LRRTM4: variants seen among roughly 807,000 people sequenced by gnomAD.
LRRTM4 encodes the protein leucine-rich repeat transmembrane neuronal protein 4.
LRRTM4 carries 25 observed loss-of-function variants against 47.6 expected under a neutral mutation model. The ratio of observed to expected loss-of-function variants is 0.53; its 90% CI spans 0.38 to 0.73. The LOEUF (loss-of-function observed/expected upper bound fraction) is 0.73, where lower values mean the gene tolerates loss of function less well. LRRTM4 is among the 30% of genes least tolerant of loss of function. The probability of loss-of-function intolerance (pLI) is 0.00; values close to 1 mark genes in which losing one functional copy is unlikely to be tolerated. For missense variants in LRRTM4, 638 were observed against 713.4 expected (o/e 0.89, Z 1.20); for synonymous variants, 311 against 269.5 (o/e 1.15, Z -1.51).
intron 3 of LRRTM4, among the ~76,000 whole-genome samples, chr2:77,386,608 T>C (rs766663686): frequency 6.6e-6 from 1 of 152,162 alleles, no homozygotes; most frequent in Non-Finnish European, 1.5e-5. Context: ...ATGATTTGGG[T>C]ATATACCCAG....
intron 3 of LRRTM4, among the ~76,000 whole-genome samples, chr2:77,291,934 G>A (rs1042817996): frequency 3.3e-5 from 5 of 151,860 alleles, no homozygotes; most frequent in Admixed American, 1.3e-4. Context: ...GAAAATTTTC[G>A]CAATCTACTC....
intron 3 of LRRTM4, among the ~76,000 whole-genome samples, chr2:77,401,609 GAATA>G (rs1017865773): frequency 6.6e-6 from 1 of 151,892 alleles, no homozygotes; most frequent in African/African-American, 2.4e-5. Flanking sequence ...ATAAGTGGAT[GAATA>G]AATATTTAAA....
At chr2:77,298,665 A>G (rs992230707) in intron 3 of LRRTM4, among the ~76,000 whole-genome samples, 10 of 152,230 alleles carry the variant, frequency 6.6e-5, no homozygotes, top group African/African-American at 2.2e-4. Context: ...ATTGTGATAG[A>G]TGATAAACCA....
chr2:76,994,164 T>G (rs181469338), intron 3 of LRRTM4, among the ~76,000 whole-genome samples: 1 of 151,976 alleles, frequency 6.6e-6, no homozygotes, highest in East Asian at 1.9e-4. Context: ...TTGAGTACTA[T>G]GTTCACTGCT....
intron 3 of LRRTM4, among the ~76,000 whole-genome samples, chr2:76,931,116 T>C (rs984586233): frequency 1.3e-5 from 2 of 151,852 alleles, no homozygotes; most frequent in African/African-American, 4.8e-5. Flanking sequence ...ACAAAAGCAA[T>C]GAGAAAGAAA....
At chr2:77,466,277 G>C (rs185313894) in intron 3 of LRRTM4, among the ~76,000 whole-genome samples, 1 of 152,252 alleles carries the variant, frequency 6.6e-6, no homozygotes, top group East Asian at 1.9e-4. Flanking sequence ...ATTTCTAAAA[G>C]ACCCCAAATG....
intron 3 of LRRTM4, among the ~76,000 whole-genome samples, chr2:76,961,474 G>A (rs1485396394): frequency 6.6e-6 from 1 of 151,160 alleles, no homozygotes; most frequent in Non-Finnish European, 1.5e-5. Flanking sequence ...TATCAGGAAT[G>A]GCTACCTTAA....
In LRRTM4 at chr2:77,247,087, A is replaced by G. The variant is rs182868810; in HGVS notation, c.1551+271231T>C. Among the ~76,000 whole-genome samples, 1,085 of 152,150 alleles carry G rather than the reference A, an allele frequency of 7.1e-3. 5 individuals carry two copies. The highest frequency in any genetic ancestry group is 0.012 in the Non-Finnish European group (793 of 67,916). On this transcript the variant is annotated intron_variant, in intron 3 of 3. Transcript: ENST00000409884. ...TTTTTACTTCATTTTCTAAATAAGG[A>G]TGAGGTCTGTTTGTTATTAATTATA... is the stretch of plus-strand genomic sequence containing the variant.
chr2:77,517,633 A>C, intron 3 of LRRTM4: 1 of 983,710 alleles, frequency 1.0e-6, no homozygotes, highest in South Asian at 4.7e-5. Flanking sequence ...ACAAACAAAC[A>C]AAAAAAGAAG....
intron 3 of LRRTM4, among the ~76,000 whole-genome samples, chr2:77,205,709 G>A (rs970220537): frequency 6.6e-6 from 1 of 152,158 alleles, no homozygotes; most frequent in South Asian, 2.1e-4. Flanking sequence ...CGAAGTTTTC[G>A]AGCAGGTTTA....
intron 3 of LRRTM4, among the ~76,000 whole-genome samples, chr2:76,802,191 G>T (rs1477177044): frequency 1.3e-5 from 2 of 150,256 alleles, no homozygotes; most frequent in African/African-American, 2.4e-5. Flanking sequence ...TGTCCCTATT[G>T]TCAGACGACA....
intron 3 of LRRTM4, among the ~76,000 whole-genome samples, chr2:77,487,341 CG>C (rs1677958448): frequency 6.6e-6 from 1 of 152,220 alleles, no homozygotes; most frequent in Admixed American, 6.5e-5. Context: ...TGGCTTCTCC[CG>C]ACTCCCAGTA....
At chr2:76,784,790 T>G (rs1054806974) in intron 3 of LRRTM4, among the ~76,000 whole-genome samples, 13 of 148,446 alleles carry the variant, frequency 8.8e-5, no homozygotes, top group Non-Finnish European at 7.6e-5. Flanking sequence ...TTTGTATGGT[T>G]TTTTATTTAT....
At chr2:77,006,441 G>T (rs1237041758) in intron 3 of LRRTM4, among the ~76,000 whole-genome samples, 2 of 152,130 alleles carry the variant, frequency 1.3e-5, no homozygotes, top group African/African-American at 2.4e-5. Flanking sequence ...CAAAAGTAAA[G>T]CTTCCAGAAA....
intron 3 of LRRTM4, among the ~76,000 whole-genome samples, chr2:76,943,044 T>C (rs1355605965): frequency 6.6e-6 from 1 of 152,136 alleles, no homozygotes; most frequent in Non-Finnish European, 1.5e-5. Flanking sequence ...ATCAGGGACA[T>C]TATGAAATAC....
chr2:77,092,584 C>T (rs1257049980), intron 3 of LRRTM4, among the ~76,000 whole-genome samples: 1 of 144,300 alleles, frequency 6.9e-6, no homozygotes, highest in Non-Finnish European at 1.5e-5. Context: ...TTTGCCCCCA[C>T]CCAGGACTGG....
intron 3 of LRRTM4, among the ~76,000 whole-genome samples, chr2:77,182,451 A>G (rs898669901): frequency 6.6e-6 from 1 of 152,078 alleles, no homozygotes; most frequent in African/African-American, 2.4e-5. Context: ...GAGAGAATCT[A>G]GATGATGGAT....
At chr2:77,439,167 G>A (rs1675732789) in intron 3 of LRRTM4, among the ~76,000 whole-genome samples, 1 of 152,138 alleles carries the variant, frequency 6.6e-6, no homozygotes, top group Non-Finnish European at 1.5e-5. Context: ...CTAAGATTCT[G>A]CACCTATAAA....
At chr2:76,809,936 C>G (rs747167545) in intron 3 of LRRTM4, among the ~76,000 whole-genome samples, 5 of 152,220 alleles carry the variant, frequency 3.3e-5, no homozygotes, top group Non-Finnish European at 7.4e-5. Flanking sequence ...CTATTCAAAC[C>G]TCATAGACTC....
Sources: gnomAD v4.1 joint callset for allele counts (sites outside exome capture counted in the v4.1 genomes callset) on GRCh38, gnomAD v4.1.1 for gene constraint, MANE v1.5 for transcripts, NCBI Gene and HGNC (gene_info 2026-07-23, HGNC 2026-07-21) for gene names.